NKAIN2: variants seen among roughly 807,000 people sequenced by gnomAD.
The protein encoded by NKAIN2 is sodium/potassium transporting ATPase interacting 2, also known as sodium/potassium-transporting ATPase subunit beta-1-interacting protein 2.
Under a neutral mutation model 32.6 loss-of-function variants are expected in NKAIN2, and 14 were observed. The ratio of observed to expected loss-of-function variants is 0.43; its 90% CI spans 0.28 to 0.67. NKAIN2 has a LOEUF of 0.67. NKAIN2 is among the 30% of genes least tolerant of loss of function. The pLI is 0.17. For missense variants in NKAIN2, 198 were observed against 258.3 expected, an observed-to-expected ratio of 0.77 and a Z score of 1.60; for synonymous variants, 80 against 87.2, an observed-to-expected ratio of 0.92 and a Z score of 0.46.
intron 3 of NKAIN2, among the ~76,000 whole-genome samples, chr6:124,356,594 C>G (rs1164807108): frequency 6.6e-6 from 1 of 152,072 alleles, no homozygotes. Flanking sequence ...GGGCATCGTT[C>G]CCCACACTCT....
At chr6:124,476,065 A>AGAGTGT (rs1487948768) in intron 3 of NKAIN2, among the ~76,000 whole-genome samples, 15 of 132,460 alleles carry the variant, frequency 1.1e-4, no homozygotes, top group African/African-American at 3.5e-4. Flanking sequence ...AGAGAGAGAG[A>AGAGTGT]GTGTGTGTGT....
At chr6:124,138,858 A>G (rs1020851858) in intron 1 of NKAIN2, among the ~76,000 whole-genome samples, 7 of 150,950 alleles carry the variant, frequency 4.6e-5, no homozygotes, top group Admixed American at 4.0e-4. Flanking sequence ...TCTCATTTTA[A>G]GTGGGAGCTA....
intron 1 of NKAIN2, among the ~76,000 whole-genome samples, chr6:124,078,777 A>G (rs866423645): frequency 4.5e-4 from 63 of 139,572 alleles, no homozygotes; most frequent in Middle Eastern, 3.7e-3. Flanking sequence ...AAAAATGGCT[A>G]TGTCGTTTTT....
chr6:124,523,455 G>A (rs897257163), intron 3 of NKAIN2, among the ~76,000 whole-genome samples: 44 of 151,408 alleles, frequency 2.9e-4, no homozygotes, highest in Non-Finnish European at 5.3e-4. Context: ...TGCCATTTTC[G>A]CACTTTTCCC....
At chr6:124,246,325 A>T (rs1793394478) in intron 1 of NKAIN2, among the ~76,000 whole-genome samples, 1 of 152,038 alleles carries the variant, frequency 6.6e-6, no homozygotes, top group African/African-American at 2.4e-5. Flanking sequence ...TGCATATATC[A>T]TATTGGTCAT....
chr6:124,526,498 G>A (rs955907368), intron 3 of NKAIN2, among the ~76,000 whole-genome samples: 2 of 151,976 alleles, frequency 1.3e-5, no homozygotes, highest in South Asian at 4.2e-4. Context: ...GTATAAGAGG[G>A]CCAACCCCCA....
Position 124,658,401 on chromosome 6 carries a change from C to A in NKAIN2, c.474+15C>A, listed in dbSNP as rs771118857. Reference sequence around the variant, plus strand: ...TTGTCCTCGCAGTAAGTGTTGGCAGCCAACCGCTCCTTCTAGTGCCTCTGG... The same window carrying A: ...TTGTCCTCGCAGTAAGTGTTGGCAGACAACCGCTCCTTCTAGTGCCTCTGG... On this transcript the variant is annotated intron_variant, in intron 4 of 6. Transcript: ENST00000368417. 4 of 1,613,912 alleles carry A rather than the reference C, an allele frequency of 2.5e-6. No individual in the cohort carries two copies. In the African/African-American group the frequency reaches 5.3e-5, roughly 22 times the overall value.
intron 2 of NKAIN2, among the ~76,000 whole-genome samples, chr6:124,286,938 T>C (rs1476777603): frequency 1.3e-5 from 2 of 152,108 alleles, no homozygotes; most frequent in Non-Finnish European, 2.9e-5. Flanking sequence ...CACCTTGGCC[T>C]CCCAAAGTGC....
At chr6:123,821,483 A>G (rs892500099) in intron 1 of NKAIN2, among the ~76,000 whole-genome samples, 1 of 152,176 alleles carries the variant, frequency 6.6e-6, no homozygotes, top group African/African-American at 2.4e-5. Flanking sequence ...ACTTTGCATT[A>G]TACTCAGAGA....
intron 1 of NKAIN2, among the ~76,000 whole-genome samples, chr6:124,060,240 A>T (rs774422216): frequency 2.6e-5 from 4 of 152,182 alleles, no homozygotes; most frequent in African/African-American, 4.8e-5. Context: ...CCTAGGGCCT[A>T]TGCCAGTCAC....
chr6:124,349,092 A>G (rs891062429), intron 2 of NKAIN2, among the ~76,000 whole-genome samples: 3 of 152,120 alleles, frequency 2.0e-5, no homozygotes, highest in African/African-American at 7.2e-5. Flanking sequence ...TGTTGTAGGA[A>G]AAAACCGGGT....
intron 5 of NKAIN2, among the ~76,000 whole-genome samples, chr6:124,813,307 T>A (rs1780999463): frequency 6.6e-6 from 1 of 152,114 alleles, no homozygotes; most frequent in African/African-American, 2.4e-5. Context: ...CAAAGAAGAA[T>A]CTAATACTGT....
At chr6:124,584,174 T>C (rs780679403) in intron 3 of NKAIN2, among the ~76,000 whole-genome samples, 2 of 152,088 alleles carry the variant, frequency 1.3e-5, no homozygotes, top group Non-Finnish European at 2.9e-5. Flanking sequence ...TCTTCTGCAC[T>C]GCAAAGGAAA....
intron 4 of NKAIN2, among the ~76,000 whole-genome samples, chr6:124,694,788 ATTT>A (rs377283482): frequency 1.8e-4 from 27 of 152,276 alleles, no homozygotes; most frequent in African/African-American, 5.8e-4. Context: ...CATGAAATTG[ATTT>A]TTTTACCTAG....
At chr6:124,186,171 G>A (rs1031192665) in intron 1 of NKAIN2, among the ~76,000 whole-genome samples, 3 of 139,050 alleles carry the variant, frequency 2.2e-5, no homozygotes, top group African/African-American at 8.5e-5. Context: ...GAGGGAGGGA[G>A]GGAAAGAAAG....
At chr6:124,767,479 A>G (rs992316022) in intron 4 of NKAIN2, among the ~76,000 whole-genome samples, 4 of 152,088 alleles carry the variant, frequency 2.6e-5, no homozygotes, top group African/African-American at 9.7e-5. Context: ...TAAGATGGGG[A>G]AGTCTGAGTA....
intron 3 of NKAIN2, among the ~76,000 whole-genome samples, chr6:124,505,327 G>A (rs75974847): frequency 0.013 from 1,904 of 152,230 alleles, 42 homozygotes; most frequent in African/African-American, 0.044. Flanking sequence ...TGGGCATTTG[G>A]CCCTCTTCAA....
intron 2 of NKAIN2, among the ~76,000 whole-genome samples, chr6:124,311,844 A>G (rs957898269): frequency 6.6e-6 from 1 of 152,162 alleles, no homozygotes; most frequent in African/African-American, 2.4e-5. Context: ...TATAAAAAAT[A>G]TGTATTTTTT....
At chr6:124,106,121 A>C (rs1053522279) in intron 1 of NKAIN2, among the ~76,000 whole-genome samples, 1 of 152,134 alleles carries the variant, frequency 6.6e-6, no homozygotes, top group Non-Finnish European at 1.5e-5. Flanking sequence ...ATAACCAATA[A>C]ATGGAATATT....
Sources: allele counts gnomAD v4.1 joint callset (sites outside exome capture counted in the v4.1 genomes callset), GRCh38; gene constraint gnomAD v4.1.1; transcripts MANE v1.5; gene names NCBI Gene and HGNC (gene_info 2026-07-23, HGNC 2026-07-21).